The following DAB1 variants were observed in gnomAD, a reference collection of about 807,000 sequenced individuals.
The protein encoded by DAB1 is DAB adaptor protein 1, also known as disabled homolog 1.
DAB1 carries 15 observed loss-of-function variants against 64.6 expected under a neutral mutation model. The observed-to-expected ratio is 0.23, with a 90% CI of 0.16 to 0.36. DAB1 has a LOEUF of 0.36. Ranked by LOEUF, DAB1 falls within the 10% of genes least tolerant of loss-of-function variation. The pLI is 1.00. For synonymous variants in DAB1, 235 were observed against 251.9 expected, an observed-to-expected ratio of 0.93 and a Z score of 0.64; for missense variants, 596 against 706.7, an observed-to-expected ratio of 0.84 and a Z score of 1.78.
At chr1:58,002,692 CAG>C (rs567860014) in intron 5 of DAB1, among the ~76,000 whole-genome samples, 34 of 151,252 alleles carry the variant, frequency 2.2e-4, no homozygotes, top group African/African-American at 8.0e-4. Context: ...GAGAGAGAGA[CAG>C]AGAGAGAGAG....
intron 5 of DAB1, among the ~76,000 whole-genome samples, chr1:58,083,215 C>G (rs777131375): frequency 4.6e-5 from 7 of 152,114 alleles, no homozygotes; most frequent in Non-Finnish European, 8.8e-5. Context: ...CCCCACAACC[C>G]CAATTATGGA....
intron 6 of DAB1, among the ~76,000 whole-genome samples, chr1:57,772,485 T>C (rs748224553): frequency 6.6e-6 from 1 of 152,172 alleles, no homozygotes; most frequent in African/African-American, 2.4e-5. Context: ...GCTGTGAACA[T>C]TCATGTGCAG....
intron 3 of DAB1, among the ~76,000 whole-genome samples, chr1:58,390,696 G>A (rs201340297): frequency 6.6e-6 from 1 of 152,136 alleles, no homozygotes; most frequent in African/African-American, 2.4e-5. Flanking sequence ...CTTCATATAT[G>A]CCAGGCCCTG....
At chr1:58,106,878 CTTTCTCCT>C (rs1239876223) in intron 5 of DAB1, among the ~76,000 whole-genome samples, 12 of 128,370 alleles carry the variant, frequency 9.3e-5, no homozygotes, top group African/African-American at 3.8e-4. Flanking sequence ...TCCTCCTTCC[CTTTCTCCT>C]TCCCTTCCTC....
In DAB1 at chr1:58,285,360, C is replaced by T. The variant is rs559668123; in HGVS notation, n.309+57992G>A. ...ATTCAAATCGGAAGTCAAACTGTCT[C>T]TGCAGATAACATGATCTTATATCTA... On this transcript the variant is annotated intron_variant and non_coding_transcript_variant, in intron 4 of 20. Coordinates refer to the DAB1 transcript ENST00000485760. 8.5e-5 allele frequency among the ~76,000 whole-genome samples: 13 copies of T among 152,230 alleles called. No homozygotes were observed. The East Asian group carries it at 2.1e-3, about 25-fold the overall frequency.
At chr1:58,265,055 T>C (rs1661129519) in intron 4 of DAB1, among the ~76,000 whole-genome samples, 1 of 152,168 alleles carries the variant, frequency 6.6e-6, no homozygotes, top group Non-Finnish European at 1.5e-5. Flanking sequence ...GAGTGTAGAA[T>C]GTGTTGGGAA....
chr1:58,334,955 A>T (rs550139120), intron 4 of DAB1, among the ~76,000 whole-genome samples: 7 of 152,304 alleles, frequency 4.6e-5, no homozygotes, highest in African/African-American at 1.7e-4. Flanking sequence ...AAGAAAATGG[A>T]CAAAATTTTT....
intron 3 of DAB1, among the ~76,000 whole-genome samples, chr1:57,138,162 T>A (rs1297486140): frequency 1.3e-5 from 2 of 152,178 alleles, no homozygotes; most frequent in African/African-American, 4.8e-5. Context: ...TAGGAGGAAA[T>A]TCCCTCTTTC....
At chr1:58,410,496 G>GAA (rs1644658057) in intron 3 of DAB1, among the ~76,000 whole-genome samples, 4 of 152,124 alleles carry the variant, frequency 2.6e-5, no homozygotes, top group African/African-American at 4.8e-5. Flanking sequence ...CAGACACCCT[G>GAA]TGCTTTATAT....
At chr1:58,379,207 C>T (rs531262467) in intron 3 of DAB1, among the ~76,000 whole-genome samples, 1 of 151,872 alleles carries the variant, frequency 6.6e-6, no homozygotes, top group Admixed American at 6.6e-5. Context: ...CTCCTCCCCC[C>T]CAGCTTACTA....
intron 3 of DAB1, among the ~76,000 whole-genome samples, chr1:58,459,552 G>A (rs1262698208): frequency 5.3e-5 from 8 of 152,342 alleles, no homozygotes; most frequent in Admixed American, 5.2e-4. Context: ...AGGGCAAGAG[G>A]CCCAAAGGAG....
At chr1:57,826,343 C>T (rs2101899886) in exon 2 of DAB1, 1 of 152,298 alleles carries the variant, frequency 6.6e-6, no homozygotes, top group East Asian at 1.9e-4. Flanking sequence ...AGCGTGAGCA[C>T]TGCTGTAGAA....
intron 5 of DAB1, among the ~76,000 whole-genome samples, chr1:58,008,691 GA>G (rs1646623567): frequency 6.6e-6 from 1 of 152,126 alleles, no homozygotes; most frequent in African/African-American, 2.4e-5. Context: ...AAAATTGTAA[GA>G]AAATTGATTC....
chr1:57,826,901 G>T (rs1308894614), intron 1 of DAB1, among the ~76,000 whole-genome samples: 2 of 152,172 alleles, frequency 1.3e-5, no homozygotes, highest in East Asian at 3.9e-4. Flanking sequence ...ATTAGTAATA[G>T]TGTCACTGAC....
intron 4 of DAB1, among the ~76,000 whole-genome samples, chr1:58,226,822 A>C (rs1052409958): frequency 4.6e-5 from 7 of 152,192 alleles, no homozygotes; most frequent in African/African-American, 1.4e-4. Flanking sequence ...TTTGGATTTG[A>C]ACCCAGGCAA....
intron 7 of DAB1, among the ~76,000 whole-genome samples, chr1:57,580,880 T>C (rs762836070): frequency 6.6e-6 from 1 of 152,212 alleles, no homozygotes; most frequent in Non-Finnish European, 1.5e-5. Context: ...CATGGTCACT[T>C]GGCCAGTACC....
chr1:58,436,259 A>G (rs1404189515), intron 3 of DAB1, among the ~76,000 whole-genome samples: 2 of 152,218 alleles, frequency 1.3e-5, no homozygotes, highest in Non-Finnish European at 2.9e-5. Flanking sequence ...TTTTTTAAGC[A>G]TTATCTAATA....
intron 5 of DAB1, among the ~76,000 whole-genome samples, chr1:58,068,578 A>G (rs1261521181): frequency 1.3e-5 from 2 of 152,120 alleles, no homozygotes; most frequent in East Asian, 3.9e-4. Flanking sequence ...ATCCTGGCTA[A>G]CACGGTGAAA....
chr1:57,962,742 T>C (rs1645557068), intron 5 of DAB1, among the ~76,000 whole-genome samples: 1 of 151,858 alleles, frequency 6.6e-6, no homozygotes. Context: ...CATGTGCCTG[T>C]AGTTCCTGTA....
Sources: allele counts gnomAD v4.1 joint callset (sites outside exome capture counted in the v4.1 genomes callset), GRCh38; gene constraint gnomAD v4.1.1; transcripts MANE v1.5; gene names NCBI Gene and HGNC (gene_info 2026-07-23, HGNC 2026-07-21).